HS3ST4: variants seen among roughly 807,000 people sequenced by gnomAD.
HS3ST4 encodes heparan sulfate glucosamine 3-O-sulfotransferase 4.
HS3ST4 carries 17 observed loss-of-function variants against 29.2 expected under a neutral mutation model. That is an observed-to-expected ratio of 0.58 (90% CI 0.40 to 0.87). The LOEUF (loss-of-function observed/expected upper bound fraction) is 0.87, where lower values mean the gene tolerates loss of function less well. HS3ST4 is among the 40% of genes least tolerant of loss of function. The probability of loss-of-function intolerance (pLI) is 0.00; values close to 1 mark genes in which losing one functional copy is unlikely to be tolerated. For missense variants in HS3ST4, 627 were observed against 634.5 expected, an observed-to-expected ratio of 0.99 and a Z score of 0.13; for synonymous variants, 314 against 285.7, an observed-to-expected ratio of 1.10 and a Z score of -1.00.
chr16:25,746,579 T>C (rs1438325948), intron 1 of HS3ST4, among the ~76,000 whole-genome samples: 1 of 148,514 alleles, frequency 6.7e-6, no homozygotes, highest in East Asian at 2.0e-4. Flanking sequence ...TTAGACGGAG[T>C]CTCACCTTGT....
intron 1 of HS3ST4, among the ~76,000 whole-genome samples, chr16:25,923,977 A>G (rs573187904): frequency 6.6e-6 from 1 of 152,208 alleles, no homozygotes; most frequent in Admixed American, 6.5e-5. Flanking sequence ...AAAAGGTTTC[A>G]TTTTTAGGTT....
At chr16:26,018,042 C>T (rs758213112) in intron 1 of HS3ST4, among the ~76,000 whole-genome samples, 5 of 152,220 alleles carry the variant, frequency 3.3e-5, no homozygotes, top group African/African-American at 4.8e-5. Flanking sequence ...CAAGATGGCC[C>T]GTCGCACATG....
intron 1 of HS3ST4, among the ~76,000 whole-genome samples, chr16:25,913,387 A>C (rs1006168100): frequency 6.6e-6 from 1 of 152,214 alleles, no homozygotes; most frequent in African/African-American, 2.4e-5. Flanking sequence ...CCCTTCCACC[A>C]CCTGAGGACA....
chr16:25,810,898 G>T (rs542584187), intron 1 of HS3ST4, among the ~76,000 whole-genome samples: 62 of 152,214 alleles, frequency 4.1e-4, no homozygotes, highest in Admixed American at 1.2e-3. Flanking sequence ...GTGAGAAAAA[G>T]CAAAACTCAG....
intron 1 of HS3ST4, among the ~76,000 whole-genome samples, chr16:25,915,976 A>G (rs1157141850): frequency 6.6e-6 from 1 of 152,222 alleles, no homozygotes. Flanking sequence ...AGTCCCCAGA[A>G]AAGGAAAATG....
At chr16:25,717,863 G>C (rs1262690583) in intron 1 of HS3ST4, among the ~76,000 whole-genome samples, 2 of 152,104 alleles carry the variant, frequency 1.3e-5, no homozygotes, top group African/African-American at 2.4e-5. Flanking sequence ...ACAAGAGTAC[G>C]TACATCTAGG....
intron 1 of HS3ST4, among the ~76,000 whole-genome samples, chr16:25,755,625 T>C (rs1046721260): frequency 6.6e-6 from 1 of 152,206 alleles, no homozygotes; most frequent in Non-Finnish European, 1.5e-5. Flanking sequence ...GCCCGAGGTT[T>C]TAAAAGAATA....
chr16:25,957,119 G>A (rs2141699968), intron 1 of HS3ST4, among the ~76,000 whole-genome samples: 1 of 152,258 alleles, frequency 6.6e-6, no homozygotes, highest in East Asian at 1.9e-4. Flanking sequence ...GGTGAAGGCA[G>A]GAAGAGGCTG....
chr16:25,713,529 AAAAC>A (rs60981273), intron 1 of HS3ST4, among the ~76,000 whole-genome samples: 5,402 of 150,580 alleles, frequency 0.036, 113 homozygotes, highest in African/African-American at 0.06. Flanking sequence ...CCCTGTCTCA[AAAAC>A]AAACAAACAA....
At chr16:25,901,841 G>A (rs4787781) in intron 1 of HS3ST4, among the ~76,000 whole-genome samples, 120,756 of 152,120 alleles carry the variant, frequency 0.79, 48,031 homozygotes, top group African/African-American at 0.83. Flanking sequence ...TTCCATTACA[G>A]AATTCTCCCA....
chr16:26,076,758 G>T (rs141846367), intron 1 of HS3ST4, among the ~76,000 whole-genome samples: 1 of 152,174 alleles, frequency 6.6e-6, no homozygotes, highest in Admixed American at 6.5e-5. Context: ...GCCACTGCTT[G>T]TAAGAGTTCA....
Position 25,937,102 on chromosome 16 carries a change from G to A in HS3ST4, c.735-198510G>A, listed in dbSNP as rs185868729. Among the ~76,000 whole-genome samples, 6 of 152,236 alleles carry A rather than the reference G, an allele frequency of 3.9e-5. No homozygotes were observed. In the East Asian group the frequency reaches 1.2e-3, roughly 29 times the overall value. ...TGGCCACTCAAGTTGGAATCAATTAGGGACAAGGTCATACCTTTCTGGGAC... is the reference window on the plus strand; with the variant it reads ...TGGCCACTCAAGTTGGAATCAATTAAGGACAAGGTCATACCTTTCTGGGAC... On this transcript the variant is annotated intron_variant, in intron 1 of 1. Transcript: ENST00000331351.
chr16:25,770,629 G>A lies in HS3ST4; in HGVS notation c.734+77478G>A, dbSNP rs74012470. On this transcript the variant is annotated intron_variant, in intron 1 of 1. Transcript: ENST00000331351. ...GGAACAGGGCCTGCCAGTCCTGTGA[G>A]TGAGCTACCTGGGGTAACTTTGCAT... Among the ~76,000 whole-genome samples the A allele has an allele frequency of 8.3e-3, 1,270 of 152,298 alleles. 20 individuals are homozygous for A. Among genetic ancestry groups the A allele is most frequent in the African/African-American group, 0.029 (1,211 of 41,552 alleles).
chr16:25,713,937 G>A (rs2141586147), intron 1 of HS3ST4, among the ~76,000 whole-genome samples: 1 of 152,236 alleles, frequency 6.6e-6, no homozygotes, highest in South Asian at 2.1e-4. Context: ...CTCCCAAGCT[G>A]CTAGGACTCC....
At chr16:25,805,791 A>C (rs1966984281) in intron 1 of HS3ST4, among the ~76,000 whole-genome samples, 2 of 152,032 alleles carry the variant, frequency 1.3e-5, no homozygotes, top group African/African-American at 4.8e-5. Context: ...GGTTTGCTGC[A>C]CCTATCAACC....
chr16:26,012,935 C>T lies in HS3ST4; in HGVS notation c.735-122677C>T, dbSNP rs190780998. ...ATCCCAGCACTTTGGGAGGCCGAGG[C>T]GGGCAGATCACGAGGTCAAGAGATT... On this transcript the variant is annotated intron_variant, in intron 1 of 1. Coordinates refer to ENST00000331351, the MANE Select transcript of HS3ST4 (RefSeq NM_006040.3). 3.3e-3 allele frequency among the ~76,000 whole-genome samples: 506 copies of T among 152,110 alleles called. 2 individuals carry two copies. The highest frequency in any genetic ancestry group is 9.1e-3 in the East Asian group (47 of 5,148).
rs545602948 is a variant in HS3ST4, at chr16:25,848,953, A to C, written c.734+155802A>C. 5.2e-4 allele frequency among the ~76,000 whole-genome samples: 79 copies of C among 152,124 alleles called. 1 individual carries two copies. The South Asian group carries it at 9.5e-3, about 18-fold the overall frequency. On this transcript the variant is annotated intron_variant, in intron 1 of 1. Transcript: ENST00000331351. ...AGTACTGCTACATTCCATAATTTAG[A>C]TATGTAGGGTTCCAGTTGTTCGTTT...
rs373913092 is a variant in HS3ST4 at position 25,973,326 on chromosome 16, C to T, written c.735-162286C>T. Among the ~76,000 whole-genome samples, 20 of 152,226 alleles carry T rather than the reference C, an allele frequency of 1.3e-4. No homozygotes were observed. The East Asian group carries it at 1.9e-3, about 15-fold the overall frequency. On this transcript the variant is annotated intron_variant, in intron 1 of 1. Transcript: ENST00000331351. ...GAAGGATTTTTATGATGAGAAATGC[C>T]GTAGGCATAGATGTATGACATAGAA...
intron 1 of HS3ST4, among the ~76,000 whole-genome samples, chr16:25,896,164 A>G (rs1035572807): frequency 3.3e-5 from 5 of 152,214 alleles, no homozygotes; most frequent in African/African-American, 1.2e-4. Context: ...TCTACCACAA[A>G]CATGACTATG....
Sources: gnomAD v4.1 joint callset for allele counts (sites outside exome capture counted in the v4.1 genomes callset) on GRCh38, gnomAD v4.1.1 for gene constraint, MANE v1.5 for transcripts, NCBI Gene and HGNC (gene_info 2026-07-23, HGNC 2026-07-21) for gene names.